The following MACROD2 variants were observed in gnomAD, a reference collection of about 807,000 sequenced individuals.
MACROD2 encodes mono-ADP ribosylhydrolase 2.
A neutral mutation model predicts 70.4 loss-of-function variants in MACROD2; 36 were observed. The observed-to-expected ratio is 0.51, with a 90% CI of 0.39 to 0.68. The LOEUF (loss-of-function observed/expected upper bound fraction) is 0.68, where lower values mean the gene tolerates loss of function less well. Among genes scored for constraint, MACROD2 ranks in the 30% least tolerant of loss-of-function variants. The pLI is 0.00. For synonymous variants in MACROD2, 172 were observed against 178.8 expected (o/e 0.96, Z 0.30); for missense variants, 496 against 538.4 (o/e 0.92, Z 0.78).
intron 3 of MACROD2, among the ~76,000 whole-genome samples, chr20:14,364,306 C>G (rs1428101739): frequency 6.6e-6 from 1 of 152,160 alleles, no homozygotes; most frequent in Admixed American, 6.5e-5. Flanking sequence ...CAGATTCCTG[C>G]TGATGTAGAA....
chr20:15,757,027 A>G (rs2051358671), intron 8 of MACROD2, among the ~76,000 whole-genome samples: 1 of 152,212 alleles, frequency 6.6e-6, no homozygotes, highest in South Asian at 2.1e-4. Flanking sequence ...TTTATTTAAA[A>G]GCACTTTGTT....
At chr20:14,582,986 T>C (rs921070403) in intron 4 of MACROD2, among the ~76,000 whole-genome samples, 5 of 152,040 alleles carry the variant, frequency 3.3e-5, no homozygotes, top group African/African-American at 1.2e-4. Context: ...TGTGGCTGAG[T>C]GCATGTGGTT....
At chr20:14,655,385 T>C (rs1366491770) in intron 4 of MACROD2, among the ~76,000 whole-genome samples, 1 of 151,778 alleles carries the variant, frequency 6.6e-6, no homozygotes. Context: ...TGTGTGTTCC[T>C]GTCTGAGTTT....
At chr20:15,361,884 A>G (rs1022802692) in intron 6 of MACROD2, among the ~76,000 whole-genome samples, 1 of 151,840 alleles carries the variant, frequency 6.6e-6, no homozygotes, top group Admixed American at 6.6e-5. Flanking sequence ...AATAAAATTG[A>G]TTTTTTTGTT....
intron 5 of MACROD2, among the ~76,000 whole-genome samples, chr20:14,700,043 T>C (rs1448089769): frequency 6.6e-6 from 1 of 151,812 alleles, no homozygotes; most frequent in African/African-American, 2.4e-5. Flanking sequence ...AGTTTAAAGT[T>C]TAAATCTAGA....
intron 6 of MACROD2, among the ~76,000 whole-genome samples, chr20:15,234,311 C>A (rs1171794835): frequency 1.3e-5 from 2 of 151,314 alleles, no homozygotes; most frequent in East Asian, 3.9e-4. Context: ...GGATTACAAG[C>A]GTGAGCCACC....
At chr20:14,503,767 C>T (rs1453647890) in intron 4 of MACROD2, among the ~76,000 whole-genome samples, 1 of 152,210 alleles carries the variant, frequency 6.6e-6, no homozygotes, top group Non-Finnish European at 1.5e-5. Flanking sequence ...CACCAAAGGC[C>T]TCACACTTAC....
chr20:14,013,273 C>CTT (rs770856375), intron 2 of MACROD2, among the ~76,000 whole-genome samples: 18,858 of 128,596 alleles, frequency 0.15, 1,570 homozygotes, highest in South Asian at 0.2. Context: ...ACTGTACTTT[C>CTT]TTTTTTTTTT....
intron 8 of MACROD2, among the ~76,000 whole-genome samples, chr20:15,708,806 T>C (rs564824444): frequency 4.3e-4 from 65 of 151,432 alleles, no homozygotes; most frequent in Non-Finnish European, 3.7e-4. Flanking sequence ...AGGAGGATTG[T>C]TTAAGGCCAG....
At chr20:15,609,706 C>G (rs1057131610) in intron 8 of MACROD2, among the ~76,000 whole-genome samples, 2 of 152,214 alleles carry the variant, frequency 1.3e-5, no homozygotes, top group Non-Finnish European at 2.9e-5. Context: ...TTAACTGCTA[C>G]TGTTTTCATT....
rs770541811 is a variant in MACROD2 at position 14,810,541 on chromosome 20, G to A, written c.418+125582G>A. Among the ~76,000 whole-genome samples, 17 of 152,226 alleles carry A rather than the reference G, an allele frequency of 1.1e-4. 1 individual carries two copies. The highest frequency in any genetic ancestry group is 3.9e-4 in the Admixed American group (6 of 15,294). On this transcript the variant is annotated intron_variant, in intron 5 of 17. Coordinates refer to ENST00000684519, the MANE Select transcript of MACROD2 (RefSeq NM_001351661.2). ...TCGAAAACTGGCACAAGACAAGGATGCCCTCTCTCACCACTCCTATTCAAC... is the reference window on the plus strand; with the variant it reads ...TCGAAAACTGGCACAAGACAAGGATACCCTCTCTCACCACTCCTATTCAAC...
At chr20:15,171,666 G>A (rs1442636740) in intron 5 of MACROD2, among the ~76,000 whole-genome samples, 1 of 151,606 alleles carries the variant, frequency 6.6e-6, no homozygotes, top group East Asian at 1.9e-4. Context: ...TATACTTCAG[G>A]TCTCAGCTAA....
At chr20:14,752,255 C>T (rs182529000) in intron 5 of MACROD2, among the ~76,000 whole-genome samples, 2 of 151,880 alleles carry the variant, frequency 1.3e-5, no homozygotes, top group Admixed American at 6.6e-5. Context: ...TTCAAAGACA[C>T]CTCAGACTCA....
At chr20:15,778,807 A>G (rs2051778903) in intron 8 of MACROD2, among the ~76,000 whole-genome samples, 1 of 152,118 alleles carries the variant, frequency 6.6e-6, no homozygotes, top group Admixed American at 6.6e-5. Flanking sequence ...ATCTTCAACA[A>G]GCACTTCCAG....
intron 5 of MACROD2, among the ~76,000 whole-genome samples, chr20:14,742,560 G>A (rs1163683438): frequency 1.3e-5 from 2 of 151,286 alleles, no homozygotes; most frequent in Non-Finnish European, 2.9e-5. Flanking sequence ...CAATTCAGCT[G>A]TACTAGTAAA....
intron 5 of MACROD2, among the ~76,000 whole-genome samples, chr20:15,207,533 C>A (rs1568637146): frequency 6.7e-6 from 1 of 150,106 alleles, no homozygotes; most frequent in Non-Finnish European, 1.5e-5. Context: ...ACCTCTGCCT[C>A]CCAGGTTCAA....
At chr20:16,024,246 G>C (rs1231487830) in intron 15 of MACROD2, among the ~76,000 whole-genome samples, 1 of 152,194 alleles carries the variant, frequency 6.6e-6, no homozygotes, top group Non-Finnish European at 1.5e-5. Context: ...GGTTGATAAT[G>C]CTGCCTAGTG....
At chr20:14,336,966 G>A (rs1010844415) in intron 3 of MACROD2, among the ~76,000 whole-genome samples, 2 of 152,172 alleles carry the variant, frequency 1.3e-5, no homozygotes, top group African/African-American at 4.8e-5. Flanking sequence ...TTCATGTACT[G>A]CGTACTCATG....
chr20:14,630,226 C>T (rs982078641), intron 4 of MACROD2, among the ~76,000 whole-genome samples: 6 of 151,902 alleles, frequency 3.9e-5, no homozygotes, highest in South Asian at 2.1e-4. Context: ...TGGTGTGCTG[C>T]GGAATGTAAT....
Sources: allele counts gnomAD v4.1 joint callset (sites outside exome capture counted in the v4.1 genomes callset), GRCh38; gene constraint gnomAD v4.1.1; transcripts MANE v1.5; gene names NCBI Gene and HGNC (gene_info 2026-07-23, HGNC 2026-07-21).